The following ZBTB16 variants were observed in gnomAD, a reference collection of about 807,000 sequenced individuals.
ZBTB16 encodes zinc finger and BTB domain containing 16.
A neutral mutation model predicts 56.8 loss-of-function variants in ZBTB16; 8 were observed. That is an observed-to-expected ratio of 0.14 (90% confidence interval 0.08 to 0.25). The LOEUF (loss-of-function observed/expected upper bound fraction) is 0.25. Ranked by LOEUF, ZBTB16 falls within the 10% of genes least tolerant of loss-of-function variation. The probability of loss-of-function intolerance (pLI) is 1.00; values close to 1 mark genes in which losing one functional copy is unlikely to be tolerated. For missense variants in ZBTB16, 625 were observed against 903.0 expected, an observed-to-expected ratio of 0.69 and a Z score of 3.95; for synonymous variants, 363 against 368.5, an observed-to-expected ratio of 0.98 and a Z score of 0.17.
chr11:114,139,963 A>T (rs879570271), intron 2 of ZBTB16, among the ~76,000 whole-genome samples: 2 of 152,048 alleles, frequency 1.3e-5, no homozygotes, highest in Non-Finnish European at 2.9e-5. Flanking sequence ...TCAGCTCTTG[A>T]ACTCTGTAAT....
At chr11:114,209,588 G>A in intron 4 of ZBTB16, 4 of 985,396 alleles carry the variant, frequency 4.1e-6, no homozygotes, top group Non-Finnish European at 4.8e-6. Context: ...ATCATTTCTT[G>A]CAAGGCAACT....
chr11:114,141,076 C>T (rs575335317), intron 2 of ZBTB16, among the ~76,000 whole-genome samples: 2 of 152,190 alleles, frequency 1.3e-5, no homozygotes, highest in African/African-American at 4.8e-5. Context: ...GCAGGCTCCT[C>T]GCCGCTGTCT....
chr11:114,140,195 C>A (rs976031486), intron 2 of ZBTB16, among the ~76,000 whole-genome samples: 1 of 152,192 alleles, frequency 6.6e-6, no homozygotes, highest in African/African-American at 2.4e-5. Context: ...TCTGAAACAA[C>A]CACCTCCTCT....
intron 2 of ZBTB16, among the ~76,000 whole-genome samples, chr11:114,144,016 T>C (rs943742438): frequency 6.6e-6 from 1 of 152,164 alleles, no homozygotes; most frequent in Non-Finnish European, 1.5e-5. Context: ...CTTTTCCCCA[T>C]GAAAATGAGG....
intron 4 of ZBTB16, among the ~76,000 whole-genome samples, chr11:114,190,682 C>CCAGTGT (rs1943469507): frequency 6.6e-6 from 1 of 151,658 alleles, no homozygotes; most frequent in Non-Finnish European, 1.5e-5. Context: ...ATGAGCTCTG[C>CCAGTGT]CAGTGTCAGT....
chr11:114,182,414 G>A (rs1024005307), intron 3 of ZBTB16, among the ~76,000 whole-genome samples: 2 of 151,902 alleles, frequency 1.3e-5, no homozygotes, highest in African/African-American at 2.4e-5. Context: ...GTATTTACTC[G>A]CTCTTTAAAA....
At chr11:114,085,674 A>G (rs1234670746) in intron 2 of ZBTB16, among the ~76,000 whole-genome samples, 4 of 152,110 alleles carry the variant, frequency 2.6e-5, no homozygotes, top group African/African-American at 9.7e-5. Flanking sequence ...TAGGCTTTGG[A>G]CAAGTGGAGA....
At chr11:114,186,271 A>G (rs1360847575) in intron 3 of ZBTB16, among the ~76,000 whole-genome samples, 1 of 97,886 alleles carries the variant, frequency 1.0e-5, no homozygotes, top group Non-Finnish European at 2.1e-5. Context: ...AGGCCTAGCA[A>G]TGGGAAGAAC....
chr11:114,222,824 A>C (rs1944255825), intron 4 of ZBTB16, among the ~76,000 whole-genome samples: 3 of 152,144 alleles, frequency 2.0e-5, no homozygotes, highest in Non-Finnish European at 4.4e-5. Flanking sequence ...AGTATATCAT[A>C]TATATCACCG....
chr11:114,167,231 G>GTTTTTTTT (rs1565663129), intron 3 of ZBTB16, among the ~76,000 whole-genome samples: 1 of 43,164 alleles, frequency 2.3e-5, no homozygotes, highest in Non-Finnish European at 6.8e-5. Flanking sequence ...TTTTTTTTTT[G>GTTTTTTTT]GTTTTTTTTT....
rs568145888 is a variant in ZBTB16, at chr11:114,096,166, C to T, written c.1268+31598C>T. ...GGTATTTTAATATCAAATCTCCAGA[C>T]TTCCCTTGGAGGCACCTAAAATTGC... On this transcript the variant is annotated intron_variant, in intron 2 of 6. Coordinates refer to ENST00000335953, the MANE Select transcript of ZBTB16 (RefSeq NM_006006.6). Among the ~76,000 whole-genome samples, 16 of 152,318 alleles carry T rather than the reference C, an allele frequency of 1.1e-4. No homozygotes were observed. The East Asian group carries it at 3.1e-3, about 29-fold the overall frequency.
At chr11:114,240,205 G>C (rs911520039) in intron 4 of ZBTB16, among the ~76,000 whole-genome samples, 1 of 152,160 alleles carries the variant, frequency 6.6e-6, no homozygotes, top group African/African-American at 2.4e-5. Flanking sequence ...ATCAGGGTGG[G>C]TGTGAGGGGC....
chr11:114,179,536 G>A (rs907731905), intron 3 of ZBTB16, among the ~76,000 whole-genome samples: 2 of 152,042 alleles, frequency 1.3e-5, no homozygotes, highest in Admixed American at 6.5e-5. Flanking sequence ...GTAAGCAGGC[G>A]TGCAGATCTC....
intron 4 of ZBTB16, among the ~76,000 whole-genome samples, chr11:114,226,599 A>G (rs1944332086): frequency 6.6e-6 from 1 of 152,186 alleles, no homozygotes; most frequent in Non-Finnish European, 1.5e-5. Context: ...TAGTGTCGGC[A>G]TCTGAGGCTG....
intron 4 of ZBTB16, chr11:114,210,011 G>A (rs1943962912): frequency 1.0e-6 from 1 of 971,200 alleles, no homozygotes; most frequent in African/African-American, 1.8e-5. Flanking sequence ...CCTTTCAGAA[G>A]CTTGGTTTCC....
In ZBTB16 at chr11:114,060,313, G is replaced by C. The variant is rs1938773430; in HGVS notation, c.-91+431G>C. 6.5e-6 allele frequency: 1 copy of C among 153,162 alleles called. No homozygotes were observed. Among genetic ancestry groups the C allele is most frequent in the South Asian group, 2.1e-4 (1 of 4,840 alleles). The allele number at this position is 153,162 out of a possible 1,614,324, so 9.5% of individuals were successfully genotyped here. A position where few individuals can be genotyped will look rare whatever the true frequency, so the allele number is the denominator to read the frequency against. On this transcript the variant is annotated intron_variant, in intron 1 of 6. Transcript: ENST00000335953. The surrounding 1 kb of genome is among the most constrained non-coding windows in gnomAD (Gnocchi z 6.0). ...AGATAAGGTTGTGGTTTATTTATTT[G>C]TGTGTTTATTCGCCGGCCGGCTGGG...
intron 2 of ZBTB16, among the ~76,000 whole-genome samples, chr11:114,087,757 C>T (rs182835575): frequency 3.3e-5 from 5 of 152,292 alleles, no homozygotes; most frequent in East Asian, 1.9e-4. Context: ...GAATTCTTAG[C>T]GTGGCATTCA....
chr11:114,113,164 A>T (rs1941074328), intron 2 of ZBTB16, among the ~76,000 whole-genome samples: 1 of 152,224 alleles, frequency 6.6e-6, no homozygotes, highest in Admixed American at 6.5e-5. Context: ...TTAGAGTGTC[A>T]TGTGATAGCA....
chr11:114,155,180 C>T (rs613774), intron 2 of ZBTB16, among the ~76,000 whole-genome samples: 7,644 of 152,312 alleles, frequency 0.05, 237 homozygotes, highest in Middle Eastern at 0.095. Context: ...CCTGCCCCAC[C>T]GCCCACAGAT....
Sources: gnomAD v4.1 joint callset for allele counts (sites outside exome capture counted in the v4.1 genomes callset) on GRCh38, gnomAD v4.1.1 for gene constraint, Gnocchi (gnomAD v3.1) non-coding constraint, MANE v1.5 for transcripts, NCBI Gene and HGNC (gene_info 2026-07-23, HGNC 2026-07-21) for gene names.